Variants in BIN3 observed in about 807,000 individuals in gnomAD.
BIN3 encodes the protein bridging integrator 3.
BIN3 carries 41 observed loss-of-function variants against 38.2 expected under a neutral mutation model. That is an observed-to-expected ratio of 1.07 (90% CI 0.84 to 1.39). The LOEUF (loss-of-function observed/expected upper bound fraction) is 1.39. Ranked by LOEUF, BIN3 falls within the 40% of genes most tolerant of loss-of-function variation. The pLI is 0.00. For synonymous variants in BIN3, 145 were observed against 122.6 expected, an observed-to-expected ratio of 1.18 and a Z score of -1.21; for missense variants, 361 against 324.3, an observed-to-expected ratio of 1.11 and a Z score of -0.87.
At chr8:22,635,548 G>A (rs1585185627) in intron 4 of BIN3, among the ~76,000 whole-genome samples, 2 of 152,100 alleles carry the variant, frequency 1.3e-5, no homozygotes, top group South Asian at 2.1e-4. Flanking sequence ...CCATGACGAC[G>A]GTGATGACAG....
intron 1 of BIN3, among the ~76,000 whole-genome samples, chr8:22,650,698 T>C (rs1280870551): frequency 2.0e-5 from 3 of 152,244 alleles, no homozygotes; most frequent in Non-Finnish European, 4.4e-5. Flanking sequence ...AGTATTTACC[T>C]TTGCACATCT....
At chr8:22,631,646 C>T (rs1336087240) in intron 4 of BIN3, among the ~76,000 whole-genome samples, 1 of 152,222 alleles carries the variant, frequency 6.6e-6, no homozygotes, top group African/African-American at 2.4e-5. Context: ...CTGATCTGGC[C>T]TAGAGGAAGC....
At chr8:22,662,971 T>C (rs559106722) in intron 1 of BIN3, among the ~76,000 whole-genome samples, 1 of 152,200 alleles carries the variant, frequency 6.6e-6, no homozygotes, top group South Asian at 2.1e-4. Context: ...ACTCAGTCTC[T>C]ACTAAAAAAT....
chr8:22,646,047 C>T (rs1025865254), intron 1 of BIN3, among the ~76,000 whole-genome samples: 1 of 152,252 alleles, frequency 6.6e-6, no homozygotes. Flanking sequence ...TCCGCTTCCA[C>T]TGAGCAGGCT....
At chr8:22,637,376 A>G (rs1327145364) in intron 2 of BIN3, among the ~76,000 whole-genome samples, 1 of 152,088 alleles carries the variant, frequency 6.6e-6, no homozygotes, top group Non-Finnish European at 1.5e-5. Flanking sequence ...GCCTTTTCCT[A>G]GTTTCCAGGT....
intron 2 of BIN3, among the ~76,000 whole-genome samples, chr8:22,643,193 G>T (rs1040672686): frequency 1.3e-5 from 2 of 152,258 alleles, no homozygotes; most frequent in Non-Finnish European, 1.5e-5. Flanking sequence ...TCCTGCAGCC[G>T]GCTAGAGACC....
At chr8:22,651,169 A>ATGCATACT (rs1802877534) in intron 1 of BIN3, among the ~76,000 whole-genome samples, 1 of 152,326 alleles carries the variant, frequency 6.6e-6, no homozygotes, top group South Asian at 2.1e-4. Flanking sequence ...CATAAATAAC[A>ATGCATACT]TGCATACTTT....
chr8:22,630,683 C>G, intron 4 of BIN3, 105 bp from the exon 5 acceptor site: 1 of 1,341,718 alleles, frequency 7.5e-7, no homozygotes, highest in Non-Finnish European at 1.0e-6. Context: ...CCCTGAAGAC[C>G]TCTTCCCACA....
At chr8:22,625,326 G>C (rs1801970297) in intron 6 of BIN3, 2 of 702,454 alleles carry the variant, frequency 2.8e-6, no homozygotes, top group Non-Finnish European at 2.6e-6. Context: ...GAGCCCTGCA[G>C]TGTCCAGGAT....
intron 2 of BIN3, among the ~76,000 whole-genome samples, chr8:22,642,507 G>T (rs564254622): frequency 6.6e-6 from 1 of 152,208 alleles, no homozygotes; most frequent in Non-Finnish European, 1.5e-5. Flanking sequence ...CTTTTGTTGC[G>T]TTGGGAAATC....
intron 1 of BIN3, among the ~76,000 whole-genome samples, chr8:22,649,034 G>T (rs1366590246): frequency 6.6e-6 from 1 of 152,110 alleles, no homozygotes; most frequent in East Asian, 1.9e-4. Flanking sequence ...ATCAGTGGAG[G>T]AACTTACATT....
intron 1 of BIN3, among the ~76,000 whole-genome samples, chr8:22,650,325 A>G (rs1312733788): frequency 6.6e-6 from 1 of 152,222 alleles, no homozygotes; most frequent in East Asian, 1.9e-4. Flanking sequence ...TGGTTTGTAT[A>G]TCAGGATTTT....
intron 6 of BIN3, chr8:22,629,561 T>A (rs1802114445): frequency 1.4e-5 from 3 of 220,112 alleles, no homozygotes; most frequent in Non-Finnish European, 2.7e-5. Context: ...TGCAGGCAGC[T>A]GCTCTCCCAA....
chr8:22,640,185 C>CT lies in BIN3; in HGVS notation c.58-3224dup, dbSNP rs1335922913. Among the ~76,000 whole-genome samples the CT allele has an allele frequency of 5.2e-4, 76 of 147,344 alleles. No homozygotes were observed. The East Asian group carries it at 6.2e-3, about 12-fold the overall frequency. ...GCCTGCTGGACACATCCTTCTTCTT[C>CT]TTTTTTTTTTGAGACAGAGTCTCAC... On this transcript the variant is annotated intron_variant, in intron 2 of 8. Transcript: ENST00000276416.
chr8:22,663,662 G>A (rs1563172012), intron 1 of BIN3, among the ~76,000 whole-genome samples: 1 of 152,134 alleles, frequency 6.6e-6, no homozygotes. Flanking sequence ...ACGTGGCCCT[G>A]AGGTGGAGTG....
At chr8:22,665,213 G>A (rs1056590083) in intron 1 of BIN3, among the ~76,000 whole-genome samples, 2 of 152,146 alleles carry the variant, frequency 1.3e-5, no homozygotes, top group Non-Finnish European at 2.9e-5. Flanking sequence ...CACTTGTGTC[G>A]GTCAATTTAA....
chr8:22,629,152 G>C (rs1802099234), intron 6 of BIN3, among the ~76,000 whole-genome samples: 1 of 152,206 alleles, frequency 6.6e-6, no homozygotes, highest in African/African-American at 2.4e-5. Flanking sequence ...ATCAAAAACT[G>C]CTCCTCTCAT....
chr8:22,636,485 C>T, intron 4 of BIN3, 40 bp downstream of exon 4: 1 of 1,549,218 alleles, frequency 6.5e-7, no homozygotes, highest in Non-Finnish European at 8.7e-7. Flanking sequence ...ACCTCTGCCC[C>T]ACCTGCTCAA....
intron 1 of BIN3, among the ~76,000 whole-genome samples, chr8:22,652,036 TC>T (rs1469505657): frequency 2.6e-5 from 4 of 151,940 alleles, no homozygotes; most frequent in African/African-American, 9.6e-5. Context: ...TTCTAAGAGC[TC>T]TTTTAAATTT....
Sources: allele counts gnomAD v4.1 joint callset (sites outside exome capture counted in the v4.1 genomes callset), GRCh38; gene constraint gnomAD v4.1.1; transcripts MANE v1.5; gene names NCBI Gene and HGNC (gene_info 2026-07-23, HGNC 2026-07-21).